Variants in PTDSS2 observed in about 807,000 individuals in gnomAD.
PTDSS2 encodes the protein PSS-2.
Under a neutral mutation model 64.7 loss-of-function variants are expected in PTDSS2, and 41 were observed. The ratio of observed to expected loss-of-function variants is 0.63; its 90% CI spans 0.49 to 0.82. The LOEUF is 0.82. PTDSS2 is among the 40% of genes least tolerant of loss of function. PTDSS2 has a pLI of 0.00. For missense variants in PTDSS2, 485 were observed against 650.0 expected (o/e 0.75, Z 2.76); for synonymous variants, 297 against 277.8 (o/e 1.07, Z -0.69).
intron 1 of PTDSS2, among the ~76,000 whole-genome samples, chr11:453,369 C>T (rs1846435792): frequency 6.6e-6 from 1 of 152,220 alleles, no homozygotes; most frequent in Non-Finnish European, 1.5e-5. Context: ...ACGTTGCCGC[C>T]TGTCTGTGGG....
chr11:448,823 G>A (rs543140607), upstream of PTDSS2, among the ~76,000 whole-genome samples: 2 of 152,332 alleles, frequency 1.3e-5, no homozygotes, highest in Admixed American at 6.5e-5. Context: ...CATTCAACTC[G>A]TTTCGAGTGG....
intron 4 of PTDSS2, among the ~76,000 whole-genome samples, chr11:483,890 C>A (rs560894719): frequency 6.6e-6 from 1 of 152,312 alleles, no homozygotes; most frequent in East Asian, 1.9e-4. Flanking sequence ...ATCCCTGGCG[C>A]TGTGGACCTT....
At position 450,347 on chromosome 11, in the gene PTDSS2, G is replaced by A; in HGVS notation, c.-109G>A. 1 of 1,022,558 alleles carries A rather than the reference G, an allele frequency of 9.8e-7. No individual in the cohort carries two copies. The highest frequency in any genetic ancestry group is 3.5e-5 in the East Asian group (1 of 28,828). The allele number at this position is 1,022,558 out of a possible 1,614,324, so 63.3% of individuals were successfully genotyped here. On this transcript the variant is annotated 5_prime_UTR_variant, in exon 1 of 12. Transcript: ENST00000308020. ...TCCTAAGACCCCGCGGGCCAGCGCC[G>A]CGACCCCTTCCCAGCGCTCCTCGCG... is the stretch of plus-strand genomic sequence containing the variant.
intron 2 of PTDSS2, among the ~76,000 whole-genome samples, chr11:466,652 G>T (rs1314020177): frequency 2.0e-5 from 3 of 151,854 alleles, no homozygotes; most frequent in African/African-American, 7.3e-5. Context: ...CAAGTGATCC[G>T]CCCACCTCGG....
In PTDSS2 at chr11:488,386, G is replaced by A. The variant is rs559360211; in HGVS notation, c.735+74G>A. 937 of 1,411,298 alleles carry A rather than the reference G, an allele frequency of 6.6e-4. 16 individuals carry two copies. In the South Asian group the frequency reaches 8.4e-3, roughly 13 times the overall value. 87.4% of individuals were successfully genotyped at this position (1,411,298 alleles called of 1,614,324 possible). On this transcript the variant is annotated intron_variant, in intron 7 of 11. Coordinates refer to ENST00000308020, the MANE Select transcript of PTDSS2 (RefSeq NM_030783.3). ...TTCTCGGAACCCCTGTGCCCAGCGC[G>A]GCCCCTGGACCCCCTCATTCTCCCC...
At chr11:464,382 C>A (rs570051119) in intron 2 of PTDSS2, among the ~76,000 whole-genome samples, 1 of 152,368 alleles carries the variant, frequency 6.6e-6, no homozygotes, top group Admixed American at 6.5e-5. Flanking sequence ...GACTCAGAGC[C>A]CCGTGTGCCC....
chr11:475,300 T>TA (rs1463699500), intron 3 of PTDSS2, among the ~76,000 whole-genome samples: 2 of 151,770 alleles, frequency 1.3e-5, no homozygotes, highest in East Asian at 1.9e-4. Context: ...GTTTGTGTGA[T>TA]ACGGCCATAT....
intron 1 of PTDSS2, among the ~76,000 whole-genome samples, chr11:453,785 C>T (rs1480327251): frequency 3.9e-5 from 6 of 152,250 alleles, no homozygotes; most frequent in Non-Finnish European, 5.9e-5. Flanking sequence ...CTCTTGGTCT[C>T]GGCCTCCCTG....
chr11:473,696 G>C (rs538427154), intron 2 of PTDSS2, among the ~76,000 whole-genome samples, 199 bp from the exon 3 acceptor site: 61 of 152,340 alleles, frequency 4.0e-4, no homozygotes, highest in Middle Eastern at 6.8e-3. Flanking sequence ...AAATGTGAGG[G>C]CGAATGTCCG....
intron 4 of PTDSS2, among the ~76,000 whole-genome samples, chr11:483,488 G>T (rs1043359815): frequency 6.6e-6 from 1 of 152,256 alleles, no homozygotes; most frequent in Non-Finnish European, 1.5e-5. Flanking sequence ...GAAAGTTCTA[G>T]TATATTCCTA....
At chr11:450,762 G>C (rs1846280168) in intron 1 of PTDSS2, 125 bp downstream of exon 1, 1 of 879,192 alleles carries the variant, frequency 1.1e-6, no homozygotes, top group Non-Finnish European at 1.5e-6. Context: ...GTGGCCGGGG[G>C]TTTGAGGGTG....
At position 490,424 on chromosome 11, in the gene PTDSS2, A is replaced by T. The variant is rs778634802; in HGVS notation, c.1306A>T (p.Ile436Phe). 1 of 1,613,250 alleles carries T rather than the reference A, an allele frequency of 6.2e-7. No individual in the cohort carries two copies. The part of the protein sequence containing the change: ...WTVWRFFLRD[I>F]TLRYKETRWQ... ...ACGCTGCATCCCGCTCCCCAGGGAC[A>T]TCACATTGAGGTACAAGGAGACCCG... The change falls in exon 12 of 12, where the codon ATC becomes TTC. Residue 436 changes from isoleucine to phenylalanine, a missense_variant. This residue lies in a region of PTDSS2 where 219 missense variants were observed against 257.3 expected (regional missense o/e 0.85). Transcript: ENST00000308020.
intron 2 of PTDSS2, among the ~76,000 whole-genome samples, chr11:471,446 G>A (rs1847425054): frequency 6.6e-6 from 1 of 152,264 alleles, no homozygotes; most frequent in Non-Finnish European, 1.5e-5. Flanking sequence ...AACATTATGT[G>A]ATGTGTGGCC....
intron 4 of PTDSS2, among the ~76,000 whole-genome samples, chr11:483,008 G>A (rs28591970): frequency 3.1e-3 from 378 of 121,920 alleles, no homozygotes; most frequent in African/African-American, 0.012. Context: ...TCTCCCTACC[G>A]AGTGGAGAAG....
Position 479,095 on chromosome 11 carries a change from G to T in PTDSS2, c.378G>T (p.Arg126Ser). 1.2e-6 allele frequency: 2 copies of T among 1,614,142 alleles called. No individual in the cohort carries two copies. The highest frequency in any genetic ancestry group is 1.7e-6 in the Non-Finnish European group (2 of 1,179,972). The part of the protein sequence containing the change: ...PFSRPHPAYW[R>S]FWLCVSVVYE... ...CGTCTGTCTTTGTAGCTTACTGGAGGTTTTGGCTCTGCGTGAGTGTGGTCT... is the reference window on the plus strand; with the variant it reads ...CGTCTGTCTTTGTAGCTTACTGGAGTTTTTGGCTCTGCGTGAGTGTGGTCT... Residue 126 changes from arginine (R) to serine (S), a missense_variant, in exon 4 of 12, where the codon AGG becomes AGT. This residue lies in a region of PTDSS2 where 251 missense variants were observed against 348.0 expected (regional missense o/e 0.72). Coordinates refer to ENST00000308020, the MANE Select transcript of PTDSS2 (RefSeq NM_030783.3). The surrounding 1 kb of genome is among the most constrained non-coding windows in gnomAD (Gnocchi z 4.2).
At chr11:468,640 A>G (rs939339069) in intron 2 of PTDSS2, among the ~76,000 whole-genome samples, 1 of 152,214 alleles carries the variant, frequency 6.6e-6, no homozygotes, top group Admixed American at 6.5e-5. Flanking sequence ...TCTAGTCGAT[A>G]AAGTTTTGCT....
rs376070131 is a variant in PTDSS2 at position 490,448 on chromosome 11, C to G, written c.1330C>G (p.Arg444Gly). 6.2e-7 allele frequency: 1 copy of G among 1,613,238 alleles called. No individual in the cohort carries two copies. Among genetic ancestry groups the G allele is most frequent in the Non-Finnish European group, 8.5e-7 (1 of 1,179,954 alleles). The change falls in exon 12 of 12, where the codon CGG (arginine) becomes GGG (glycine). Residue 444 changes from arginine to glycine, a missense_variant. Arg to Gly is a moderately radical substitution (Grantham distance 125). This residue lies in a region of PTDSS2 where 219 missense variants were observed against 257.3 expected (regional missense o/e 0.85). Transcript: ENST00000308020. ...CATCACATTGAGGTACAAGGAGACCCGGTGGCAGAAGTGGCAGAACAAGGA... is the reference window on the plus strand; with the variant it reads ...CATCACATTGAGGTACAAGGAGACCGGGTGGCAGAAGTGGCAGAACAAGGA... ...RDITLRYKET[R>G]WQKWQNKDDQ...
rs1036152700 is a variant in PTDSS2 at position 461,633 on chromosome 11, C to T, written c.284+1345C>T. Among the ~76,000 whole-genome samples, 2 of 152,162 alleles carry T rather than the reference C, an allele frequency of 1.3e-5. No individual in the cohort carries two copies. Among genetic ancestry groups the T allele is most frequent in the Non-Finnish European group, 2.9e-5 (2 of 68,024 alleles). On this transcript the variant is annotated intron_variant, in intron 2 of 11. Transcript: ENST00000308020. This position sits in a 1 kb window ranked among gnomAD's most constrained non-coding sequence, Gnocchi z 4.2. Reference sequence around the variant, plus strand: ...CCCTCTCCCAGTCAGCTTTGCTGGCCCTTCCCCCTTTTTCTGAGCCTGAGG... The same window carrying T: ...CCCTCTCCCAGTCAGCTTTGCTGGCTCTTCCCCCTTTTTCTGAGCCTGAGG...
intron 4 of PTDSS2, among the ~76,000 whole-genome samples, chr11:484,121 G>A (rs537871691): frequency 8.5e-5 from 13 of 152,310 alleles, no homozygotes; most frequent in Non-Finnish European, 1.6e-4. Context: ...CAGTGTGGAC[G>A]TACAGATACT....
Sources: gnomAD v4.1 joint callset for allele counts (sites outside exome capture counted in the v4.1 genomes callset) on GRCh38, gnomAD v4.1.1 for gene constraint, gnomAD v4.1.1 regional missense constraint, Gnocchi (gnomAD v3.1) non-coding constraint, MANE v1.5 for transcripts, NCBI Gene and HGNC (gene_info 2026-07-23, HGNC 2026-07-21) for gene names.